Variants in ZNF33A observed in about 807,000 individuals in gnomAD.
ZNF33A encodes the protein zinc finger protein 33A, also known as brain my041 protein.
A neutral mutation model predicts 15.9 loss-of-function variants in ZNF33A; 9 were observed. That is an observed-to-expected ratio of 0.57 (90% CI 0.34 to 0.99). ZNF33A has a LOEUF of 0.99. Among genes scored for constraint, ZNF33A ranks in the 50% least tolerant of loss-of-function variants. ZNF33A has a pLI of 0.02. For synonymous variants in ZNF33A, 294 were observed against 324.2 expected, an observed-to-expected ratio of 0.91 and a Z score of 1.00; for missense variants, 843 against 941.6, an observed-to-expected ratio of 0.90 and a Z score of 1.37.
At position 38,028,453 on chromosome 10, in the gene ZNF33A, T is replaced by G. The variant is rs186471907; in HGVS notation, c.250+11067T>G. Reference sequence around the variant, plus strand: ...GTCTCATATTCCTTTTATTACTGTCTTCTTTGTGTTTTGTTGATTTTTTTT... The same window carrying G: ...GTCTCATATTCCTTTTATTACTGTCGTCTTTGTGTTTTGTTGATTTTTTTT... On this transcript the variant is annotated intron_variant, in intron 4 of 4. Coordinates refer to ENST00000432900, the MANE Select transcript of ZNF33A (RefSeq NM_006954.2). Among the ~76,000 whole-genome samples the G allele has an allele frequency of 3.0e-4, 45 of 151,936 alleles. No individual in the cohort carries two copies. In the East Asian group the frequency reaches 6.8e-3, roughly 23 times the overall value.
At chr10:38,018,663 T>C (rs1035130626) in intron 4 of ZNF33A, among the ~76,000 whole-genome samples, 1 of 152,152 alleles carries the variant, frequency 6.6e-6, no homozygotes, top group African/African-American at 2.4e-5. Flanking sequence ...TTATGAGTGA[T>C]TGTGGTAGCT....
chr10:38,064,486 A>G (rs1590738286), downstream of ZNF33A: 3 of 236,198 alleles, frequency 1.3e-5, no homozygotes, highest in Non-Finnish European at 2.4e-5. Flanking sequence ...AAGTGGGAAA[A>G]GAAGATTCAA....
At chr10:38,043,310 A>G (rs559054965) in intron 4 of ZNF33A, among the ~76,000 whole-genome samples, 18 of 142,848 alleles carry the variant, frequency 1.3e-4, no homozygotes, top group African/African-American at 4.6e-4. Context: ...GAACACATGG[A>G]CACAGGAAGG....
At chr10:38,064,717 C>G (rs981030355), downstream of ZNF33A, 2 of 152,232 alleles carry the variant, frequency 1.3e-5, no homozygotes, top group Non-Finnish European at 2.9e-5. Flanking sequence ...CTCACTTGCT[C>G]TTTCTGCCTC....
In ZNF33A at chr10:38,056,211, A is replaced by G. The variant is rs1442461666; in HGVS notation, c.2087A>G (p.Asn696Ser). Residue 696 changes from asparagine (N) to serine (S), a missense_variant, in exon 5 of 5, where the codon AAT becomes AGT. Coordinates refer to ENST00000432900, the MANE Select transcript of ZNF33A (RefSeq NM_006954.2). Reference protein sequence around the residue: ...KHTGEKPYECNECGKFFRHKS... With the variant: ...KHTGEKPYECSECGKFFRHKS... Reference sequence around the variant, plus strand: ...ACGGGGGAGAAACCCTATGAATGCAATGAATGTGGGAAATTCTTCAGGCAC... The same window carrying G: ...ACGGGGGAGAAACCCTATGAATGCAGTGAATGTGGGAAATTCTTCAGGCAC... 6.2e-6 allele frequency: 10 copies of G among 1,614,116 alleles called. No individual in the cohort carries two copies. Among genetic ancestry groups the G allele is most frequent in the South Asian group, 2.2e-5 (2 of 91,088 alleles).
intron 4 of ZNF33A, among the ~76,000 whole-genome samples, chr10:38,033,837 C>T (rs572722806): frequency 1.3e-5 from 2 of 151,950 alleles, no homozygotes; most frequent in Admixed American, 6.6e-5. Flanking sequence ...CTCAGCCTCC[C>T]GAGTAGCTGG....
chr10:38,033,572 G>A (rs1156293584), intron 4 of ZNF33A, among the ~76,000 whole-genome samples: 1 of 152,054 alleles, frequency 6.6e-6, no homozygotes, highest in African/African-American at 2.4e-5. Context: ...AATCCTGCCA[G>A]CAATGCATGA....
chr10:38,037,244 G>A (rs2135671731), intron 4 of ZNF33A, among the ~76,000 whole-genome samples: 1 of 152,062 alleles, frequency 6.6e-6, no homozygotes, highest in South Asian at 2.1e-4. Flanking sequence ...TTTTGTATAT[G>A]GTGTGAGGAA....
At chr10:38,032,994 T>G (rs2065279043) in intron 4 of ZNF33A, among the ~76,000 whole-genome samples, 1 of 152,132 alleles carries the variant, frequency 6.6e-6, no homozygotes, top group Non-Finnish European at 1.5e-5. Context: ...GTGATGTGCC[T>G]GCATAGGCCT....
chr10:38,043,673 T>C (rs921497207), intron 4 of ZNF33A, among the ~76,000 whole-genome samples: 29 of 151,964 alleles, frequency 1.9e-4, no homozygotes, highest in Admixed American at 2.0e-4. Flanking sequence ...AGGTATTTCA[T>C]TGCAAAAAAA....
intron 4 of ZNF33A, among the ~76,000 whole-genome samples, chr10:38,046,401 A>G (rs1180788581): frequency 1.3e-5 from 2 of 152,218 alleles, no homozygotes; most frequent in Admixed American, 6.5e-5. Context: ...AGTATTGGGT[A>G]GAGTGTTCAG....
chr10:38,038,303 T>C (rs181071197), intron 4 of ZNF33A, among the ~76,000 whole-genome samples: 3 of 152,236 alleles, frequency 2.0e-5, no homozygotes, highest in African/African-American at 7.2e-5. Flanking sequence ...GGTTTCACCA[T>C]GTTGGCTGGG....
intron 4 of ZNF33A, among the ~76,000 whole-genome samples, chr10:38,031,890 G>T (rs933656843): frequency 2.0e-5 from 3 of 152,116 alleles, no homozygotes; most frequent in Non-Finnish European, 2.9e-5. Context: ...TTGAACCCGG[G>T]AGGCGGAGGT....
At chr10:38,028,038 G>A (rs1590544800) in intron 4 of ZNF33A, among the ~76,000 whole-genome samples, 1 of 152,132 alleles carries the variant, frequency 6.6e-6, no homozygotes, top group African/African-American at 2.4e-5. Context: ...CCAGCACTTT[G>A]GGAGGATCTC....
intron 4 of ZNF33A, among the ~76,000 whole-genome samples, chr10:38,036,754 C>T (rs1160715771): frequency 1.3e-5 from 2 of 152,132 alleles, no homozygotes; most frequent in South Asian, 2.1e-4. Flanking sequence ...CATAAGACAA[C>T]AAAATAAGAG....
intron 4 of ZNF33A, among the ~76,000 whole-genome samples, chr10:38,021,688 T>C (rs1279339014): frequency 6.6e-6 from 1 of 152,150 alleles, no homozygotes; most frequent in Non-Finnish European, 1.5e-5. Context: ...ATAAAATTTT[T>C]TTCTCAAGTG....
At chr10:38,026,798 T>C (rs1182893657) in intron 4 of ZNF33A, among the ~76,000 whole-genome samples, 3 of 152,230 alleles carry the variant, frequency 2.0e-5, no homozygotes, top group Non-Finnish European at 4.4e-5. Context: ...GCATCATTTT[T>C]TTGGTCATTT....
In ZNF33A at chr10:38,056,307, A is replaced by G; in HGVS notation, c.2183A>G (p.Lys728Arg). ...EKSCQCNECG[K>R]IFYRKSELAQ... ...TCTTGTCAATGTAATGAATGTGGAA[A>G]AATCTTTTACCGTAAATCGGAACTT... The change falls in exon 5 of 5, where the codon AAA (lysine) becomes AGA (arginine). Residue 728 changes from lysine to arginine, a missense_variant. Coordinates refer to ENST00000432900, the MANE Select transcript of ZNF33A (RefSeq NM_006954.2). 1 of 1,614,166 alleles carries G rather than the reference A, an allele frequency of 6.2e-7. No individual in the cohort carries two copies. Among genetic ancestry groups the G allele is most frequent in the Non-Finnish European group, 8.5e-7 (1 of 1,180,006 alleles).
chr10:38,062,326 T>G (rs1190704463), downstream of ZNF33A, among the ~76,000 whole-genome samples: 1 of 152,158 alleles, frequency 6.6e-6, no homozygotes, highest in Non-Finnish European at 1.5e-5. Flanking sequence ...TTTGTTATAG[T>G]CCATGGTTCA....
Sources: allele counts gnomAD v4.1 joint callset (sites outside exome capture counted in the v4.1 genomes callset), GRCh38; gene constraint gnomAD v4.1.1; transcripts MANE v1.5; gene names NCBI Gene and HGNC (gene_info 2026-07-23, HGNC 2026-07-21).